The following TMEM114 variants were observed in gnomAD, a reference collection of about 807,000 sequenced individuals.
TMEM114 encodes claudin-26.
Under a neutral mutation model 6.2 loss-of-function variants are expected in TMEM114, and 6 were observed. That is an observed-to-expected ratio of 0.97 (90% CI 0.53 to 1.91). The LOEUF (loss-of-function observed/expected upper bound fraction) is 1.91, where lower values mean the gene tolerates loss of function less well. Ranked by LOEUF, TMEM114 falls within the 40% of genes most tolerant of loss-of-function variation. The pLI is 0.01. For synonymous variants in TMEM114, 104 were observed against 73.0 expected, an observed-to-expected ratio of 1.42 and a Z score of -2.16; for missense variants, 218 against 158.3, an observed-to-expected ratio of 1.38 and a Z score of -2.02.
chr16:8,542,443 C>T (rs1328456498), intron 2 of TMEM114, among the ~76,000 whole-genome samples: 2 of 152,164 alleles, frequency 1.3e-5, no homozygotes, highest in African/African-American at 2.4e-5. Flanking sequence ...AAGTCTGCTC[C>T]TCCAGCACCA....
At chr16:8,538,707 CCT>C (rs1900432964) in intron 2 of TMEM114, among the ~76,000 whole-genome samples, 1 of 152,026 alleles carries the variant, frequency 6.6e-6, no homozygotes, top group Non-Finnish European at 1.5e-5. Context: ...GGGGTTTCAC[CCT>C]GTTAGCCAGG....
chr16:8,587,946 C>T (rs1216298798), intron 2 of TMEM114, among the ~76,000 whole-genome samples: 1 of 151,734 alleles, frequency 6.6e-6, no homozygotes, highest in Non-Finnish European at 1.5e-5. Flanking sequence ...CCCAGGAGTT[C>T]AAGACCAGCC....
chr16:8,538,818 T>C (rs1900437562), intron 2 of TMEM114, among the ~76,000 whole-genome samples: 1 of 152,184 alleles, frequency 6.6e-6, no homozygotes, highest in Non-Finnish European at 1.5e-5. Flanking sequence ...CCGTGCTGTG[T>C]TTTTATGTTG....
intron 2 of TMEM114, among the ~76,000 whole-genome samples, chr16:8,579,740 T>C (rs548865273): frequency 4.0e-5 from 6 of 151,746 alleles, no homozygotes; most frequent in African/African-American, 1.5e-4. Flanking sequence ...CAGGTGGGAG[T>C]TTTTAATTCC....
At chr16:8,565,467 G>C (rs1390332494), downstream of TMEM114, among the ~76,000 whole-genome samples, 1 of 152,164 alleles carries the variant, frequency 6.6e-6, no homozygotes, top group Non-Finnish European at 1.5e-5. Context: ...GTCTGGACCT[G>C]AGGGGACAAA....
intron 2 of TMEM114, among the ~76,000 whole-genome samples, chr16:8,573,031 T>G (rs1901787690): frequency 6.6e-6 from 1 of 152,206 alleles, no homozygotes; most frequent in Non-Finnish European, 1.5e-5. Context: ...AACATATTTG[T>G]CACCACAAGG....
At chr16:8,535,587 A>G (rs1158799451), downstream of TMEM114, among the ~76,000 whole-genome samples, 1 of 152,232 alleles carries the variant, frequency 6.6e-6, no homozygotes, top group East Asian at 1.9e-4. Context: ...ATCATGGGAA[A>G]TAAATGAAAT....
the TMEM114 span, among the ~76,000 whole-genome samples, chr16:8,528,487 C>A: frequency 2.0e-5 from 3 of 152,174 alleles, no homozygotes; most frequent in Non-Finnish European, 1.5e-5. Flanking sequence ...CTCAACCTCT[C>A]ACACCAAGGG....
At chr16:8,529,074 T>G in the TMEM114 span, among the ~76,000 whole-genome samples, 2 of 152,326 alleles carry the variant, frequency 1.3e-5, no homozygotes, top group East Asian at 3.9e-4. Flanking sequence ...AGAGAATCGT[T>G]CGGAGAGGAC....
intron 2 of TMEM114, 176 bp from the exon 3 acceptor site, chr16:8,572,400 A>G (rs1901764638): frequency 2.8e-6 from 2 of 710,026 alleles, no homozygotes; most frequent in Admixed American, 4.8e-5. Flanking sequence ...ACAGTGGTTG[A>G]GGCTCATCTC....
intron 2 of TMEM114, among the ~76,000 whole-genome samples, chr16:8,552,283 C>A (rs900477624): frequency 2.0e-5 from 3 of 151,754 alleles, no homozygotes; most frequent in Non-Finnish European, 4.4e-5. Context: ...ACTACGGGGG[C>A]TAAGGTGGGA....
chr16:8,572,252 C>CAG (rs1275647713), intron 2 of TMEM114, 28 bp from the exon 3 acceptor site: 1 of 1,551,384 alleles, frequency 6.4e-7, no homozygotes, highest in Non-Finnish European at 8.7e-7. Flanking sequence ...GGATACCAGG[C>CAG]AGAGGACAGT....
At chr16:8,541,526 G>T (rs547264157) in intron 2 of TMEM114, among the ~76,000 whole-genome samples, 1 of 152,262 alleles carries the variant, frequency 6.6e-6, no homozygotes, top group Admixed American at 6.5e-5. Context: ...GTAACCAGGA[G>T]ATCATTTTCT....
the TMEM114 span, among the ~76,000 whole-genome samples, chr16:8,527,503 C>T: frequency 3.4e-4 from 51 of 150,922 alleles, no homozygotes; most frequent in African/African-American, 1.1e-3. Flanking sequence ...AATAAGATAA[C>T]AACTGTAACA....
chr16:8,545,061 G>C (rs958460774), intron 2 of TMEM114, among the ~76,000 whole-genome samples: 1 of 152,026 alleles, frequency 6.6e-6, no homozygotes, highest in African/African-American at 2.4e-5. Flanking sequence ...AGATGGTCTT[G>C]TCTTTTGTTT....
intron 2 of TMEM114, among the ~76,000 whole-genome samples, chr16:8,548,540 T>C (rs1900743069): frequency 6.6e-6 from 1 of 152,144 alleles, no homozygotes; most frequent in Admixed American, 6.5e-5. Flanking sequence ...TGTGTATCTG[T>C]TTCTGTACTG....
At chr16:8,558,679 C>A (rs745612922) in intron 2 of TMEM114, among the ~76,000 whole-genome samples, 6 of 152,184 alleles carry the variant, frequency 3.9e-5, no homozygotes, top group Admixed American at 6.5e-5. Flanking sequence ...GAGCATTTCA[C>A]CCCACCTCTC....
At chr16:8,531,782 T>G in the TMEM114 span, 1 of 152,192 alleles carries the variant, frequency 6.6e-6, no homozygotes, top group South Asian at 2.1e-4. Flanking sequence ...GTCAACCGAA[T>G]AGTCCATGAG....
At chr16:8,585,887 T>C (rs551646519) in intron 2 of TMEM114, among the ~76,000 whole-genome samples, 232 of 152,100 alleles carry the variant, frequency 1.5e-3, no homozygotes, top group Non-Finnish European at 2.9e-3. Flanking sequence ...TATAAGGAAA[T>C]AAGGAAAGGC....
Sources: allele counts gnomAD v4.1 joint callset (sites outside exome capture counted in the v4.1 genomes callset), GRCh38; gene constraint gnomAD v4.1.1; transcripts MANE v1.5; gene names NCBI Gene and HGNC (gene_info 2026-07-23, HGNC 2026-07-21).